ZNF208: variants seen among roughly 807,000 people sequenced by gnomAD.
ZNF208 encodes zinc finger protein 208, also known as zinc finger protein 95.
Under a neutral mutation model 12.1 loss-of-function variants are expected in ZNF208, and 10 were observed. That is an observed-to-expected ratio of 0.83 (90% CI 0.51 to 1.40). The LOEUF (loss-of-function observed/expected upper bound fraction) is 1.40, where lower values mean the gene tolerates loss of function less well. ZNF208 is among the 40% of genes most tolerant of loss of function. The pLI is 0.00. For missense variants in ZNF208, 1,652 were observed against 1,485.0 expected, an observed-to-expected ratio of 1.11 and a Z score of -1.85; for synonymous variants, 497 against 488.4, an observed-to-expected ratio of 1.02 and a Z score of -0.23.
intron 3 of ZNF208, among the ~76,000 whole-genome samples, chr19:21,978,338 T>C (rs533450077): frequency 6.6e-6 from 1 of 152,274 alleles, no homozygotes; most frequent in South Asian, 2.1e-4. Flanking sequence ...GGCTGGCACA[T>C]GGCAGGTGGC....
intron 3 of ZNF208, among the ~76,000 whole-genome samples, chr19:21,978,011 C>T (rs1412094718): frequency 1.3e-5 from 2 of 152,166 alleles, no homozygotes; most frequent in Admixed American, 1.3e-4. Flanking sequence ...CAAGACCAGA[C>T]TGTATCTCAA....
Position 21,969,926 on chromosome 19 carries a change from C to G in ZNF208, c.*1265G>C, listed in dbSNP as rs567257211. Among the ~76,000 whole-genome samples, 2 of 152,018 alleles carry G rather than the reference C, an allele frequency of 1.3e-5. No individual in the cohort carries two copies. Among genetic ancestry groups the G allele is most frequent in the Non-Finnish European group, 2.9e-5 (2 of 67,990 alleles). ...ATTAACAAAAATTTTTTTTTCCAGA[C>G]AGTCTCTCTCTGTTGCCCAGGCTAG... On this transcript the variant is annotated 3_prime_UTR_variant, in exon 4 of 4. Transcript: ENST00000397126.
rs1488254202 is a variant in ZNF208 at position 21,967,859 on chromosome 19, A to G, written c.*3332T>C. On this transcript the variant is annotated 3_prime_UTR_variant, in exon 4 of 4. Coordinates refer to ENST00000397126, the MANE Select transcript of ZNF208 (RefSeq NM_007153.3). ...TAGGCAGAATGACCATTTTAATTAT[A>G]TTATTTGAATCCATGAGCAATATTT... is the stretch of plus-strand genomic sequence containing the variant. 2 of 152,138 alleles carry G rather than the reference A, an allele frequency of 1.3e-5. No homozygotes were observed. Among genetic ancestry groups the G allele is most frequent in the Non-Finnish European group, 2.9e-5 (2 of 68,014 alleles). The allele number at this position is 152,138 out of a possible 1,614,324, so 9.4% of individuals were successfully genotyped here. A position where few individuals can be genotyped will look rare whatever the true frequency, so the allele number is the denominator to read the frequency against.
rs761617834 is a variant in ZNF208, at chr19:21,987,211, C to G, written c.226+5G>C. On this transcript the variant is annotated splice_donor_5th_base_variant and intron_variant, in intron 3 of 3. Transcript: ENST00000397126. ...TCCATGTTGTCTGTATTCACTCTCA[C>G]CTACCTGGGGATTCTTCCACCATCT... 6.2e-7 allele frequency: 1 copy of G among 1,609,342 alleles called. No individual in the cohort carries two copies. Among genetic ancestry groups the G allele is most frequent in the Non-Finnish European group, 8.5e-7 (1 of 1,178,168 alleles).
rs761835210 is a variant in ZNF208, at chr19:21,971,583, T to C, written c.3451A>G (p.Lys1151Glu). Residue 1151 changes from lysine to glutamate, a missense_variant, in exon 4 of 4, where the codon AAG becomes GAG. Physicochemically the swap from Lys to Glu is moderately conservative, Grantham distance 56 (BLOSUM62 1). Transcript: ENST00000397126. The stretch of plus-strand genomic sequence containing the variant: ...TGATAACTAAGGGTTGAGGACCACT[T>C]ATAGGCTTTGCCACATTCTTCACAT... ...YKCEECGKAY[K>E]WSSTLSYHKK... 2 of 1,611,486 alleles carry C rather than the reference T, an allele frequency of 1.2e-6. No homozygotes were observed. The highest frequency in any genetic ancestry group is 4.5e-5 in the East Asian group (2 of 44,830).
chr19:21,996,062 T>C (rs1463247239), intron 1 of ZNF208, among the ~76,000 whole-genome samples: 2 of 152,156 alleles, frequency 1.3e-5, no homozygotes, highest in South Asian at 2.1e-4. Context: ...TTACAGCAAG[T>C]AGAGTGAAAT....
intron 4 of ZNF208, among the ~76,000 whole-genome samples, chr19:21,950,804 G>T (rs1373634671): frequency 1.3e-5 from 2 of 152,026 alleles, no homozygotes; most frequent in Non-Finnish European, 1.5e-5. Flanking sequence ...CCCTAGCCCT[G>T]TTCATAAAAG....
chr19:21,950,345 G>C (rs73930948), intron 4 of ZNF208, among the ~76,000 whole-genome samples: 1 of 151,968 alleles, frequency 6.6e-6, no homozygotes, highest in Non-Finnish European at 1.5e-5. Context: ...AAACAAAAAA[G>C]CCACCATAAA....
At chr19:21,965,798 C>G (rs28631416), downstream of ZNF208, 1 of 146,552 alleles carries the variant, frequency 6.8e-6, no homozygotes, top group Admixed American at 6.7e-5. Flanking sequence ...ATAGTTCATT[C>G]TGAAAAAAAA....
At chr19:21,998,499 G>C (rs530841849) in intron 1 of ZNF208, 1 of 152,656 alleles carries the variant, frequency 6.6e-6, no homozygotes, top group East Asian at 1.9e-4. Flanking sequence ...GCAATGGTGT[G>C]ATCTAGGCTC....
In ZNF208 at chr19:21,986,061, G is replaced by A. The variant is rs1970624684; in HGVS notation, c.226+1155C>T. On this transcript the variant is annotated intron_variant, in intron 3 of 3. Coordinates refer to ENST00000397126, the MANE Select transcript of ZNF208 (RefSeq NM_007153.3). ...ACCGAGCTACAACCCTCTGAAACCA[G>A]TTTATAAAAACTTTAAGAGGTGTTT... is the stretch of plus-strand genomic sequence containing the variant. Among the ~76,000 whole-genome samples the A allele has an allele frequency of 3.9e-5, 6 of 152,126 alleles. No individual in the cohort carries two copies. The South Asian group carries it at 1.2e-3, about 31-fold the overall frequency.
In ZNF208 at chr19:21,966,939, T is replaced by C. The variant is rs1207922570; in HGVS notation, c.*4252A>G. 1 of 152,208 alleles carries C rather than the reference T, an allele frequency of 6.6e-6. No individual in the cohort carries two copies. Among genetic ancestry groups the C allele is most frequent in the Non-Finnish European group, 1.5e-5 (1 of 68,028 alleles). 9.4% of individuals were successfully genotyped at this position (152,208 alleles called of 1,614,324 possible). A position where few individuals can be genotyped will look rare whatever the true frequency, so the allele number is the denominator to read the frequency against. Reference sequence around the variant, plus strand: ...GGCTATTCATATCATGTTTGCTTTTTTATTAAATGTATTATAGATTCTGTA... The same window carrying C: ...GGCTATTCATATCATGTTTGCTTTTCTATTAAATGTATTATAGATTCTGTA... On this transcript the variant is annotated 3_prime_UTR_variant, in exon 4 of 4. Coordinates refer to ENST00000397126, the MANE Select transcript of ZNF208 (RefSeq NM_007153.3).
In ZNF208 at chr19:21,968,104, T is replaced by C. The variant is rs1417212241; in HGVS notation, c.*3087A>G. ...CTGATTTTGTATTCTAAGATTTTTT[T>C]TGAAGTCTTTTTCCAGGCTTAGAAC... On this transcript the variant is annotated 3_prime_UTR_variant, in exon 4 of 4. Transcript: ENST00000397126. The C allele has an allele frequency of 2.0e-5, 3 of 152,202 alleles. No individual in the cohort carries two copies. The highest frequency in any genetic ancestry group is 1.3e-4 in the Admixed American group (2 of 15,270). The allele number at this position is 152,202 out of a possible 1,614,324, so 9.4% of individuals were successfully genotyped here. A position where few individuals can be genotyped will look rare whatever the true frequency, so the allele number is the denominator to read the frequency against.
chr19:21,988,868 C>CA lies in ZNF208; in HGVS notation c.44dup (p.Glu16GlyfsTer15). The CA allele has an allele frequency of 6.2e-7, 1 of 1,614,080 alleles. No individual in the cohort carries two copies. The highest frequency in any genetic ancestry group is 8.5e-7 in the Non-Finnish European group (1 of 1,179,958). On this transcript the variant is annotated frameshift_variant, in exon 2 of 4. Coordinates refer to ENST00000397126, the MANE Select transcript of ZNF208 (RefSeq NM_007153.3). LOFTEE classifies it high-confidence loss of function. Reference sequence around the variant, plus strand: ...CAGTGTCCAGGCATTGCCACTCCTCCAGAGAGAATTCTATGGCCACATCCC... The same window carrying CA: ...CAGTGTCCAGGCATTGCCACTCCTCCAAGAGAGAATTCTATGGCCACATCCC...
chr19:21,998,153 C>G (rs1388048648), intron 1 of ZNF208: 1 of 140,760 alleles, frequency 7.1e-6, no homozygotes, highest in Non-Finnish European at 1.5e-5. Context: ...GATAGAGTTC[C>G]ATTCTTTTTT....
Position 21,968,051 on chromosome 19 carries a change from T to C in ZNF208, c.*3140A>G, listed in dbSNP as rs897068318. The C allele has an allele frequency of 6.6e-6, 1 of 152,120 alleles. No homozygotes were observed. Among genetic ancestry groups the C allele is most frequent in the Admixed American group, 6.6e-5 (1 of 15,262 alleles). 9.4% of individuals were successfully genotyped at this position (152,120 alleles called of 1,614,324 possible). On this transcript the variant is annotated 3_prime_UTR_variant, in exon 4 of 4. Transcript: ENST00000397126. ...ATTTTGTTCTCAGTTTGAATATTAT[T>C]GGTGTACAGAAATGCTATGCATTTG... is the stretch of plus-strand genomic sequence containing the variant.
chr19:21,949,675 T>C (rs543389785), intron 4 of ZNF208, among the ~76,000 whole-genome samples: 44 of 152,278 alleles, frequency 2.9e-4, no homozygotes, highest in Non-Finnish European at 3.7e-4. Context: ...TTAATCTCTA[T>C]GTATCAAAAA....
chr19:21,974,881 T>A, intron 3 of ZNF208, 74 bp from the exon 4 acceptor site: 1 of 1,427,578 alleles, frequency 7.0e-7, no homozygotes. Context: ...ATCTAAACTA[T>A]AAAATTATTC....
intron 4 of ZNF208, among the ~76,000 whole-genome samples, chr19:21,958,900 C>T (rs746668576): frequency 6.6e-6 from 1 of 151,956 alleles, no homozygotes; most frequent in African/African-American, 2.4e-5. Context: ...AGCCCCTAAC[C>T]CACGAGTCAG....
Sources: gnomAD v4.1 joint callset for allele counts (sites outside exome capture counted in the v4.1 genomes callset) on GRCh38, gnomAD v4.1.1 for gene constraint, MANE v1.5 for transcripts, NCBI Gene and HGNC (gene_info 2026-07-23, HGNC 2026-07-21) for gene names.